The following MKLN1 variants were observed in gnomAD, a reference collection of about 807,000 sequenced individuals.
MKLN1 encodes muskelin 1.
In MKLN1, 18 loss-of-function variants were observed where a neutral mutation model predicts 99.0. The ratio of observed to expected loss-of-function variants is 0.18; its 90% CI spans 0.13 to 0.27. The LOEUF (loss-of-function observed/expected upper bound fraction) is 0.27. Ranked by LOEUF, MKLN1 falls within the 10% of genes least tolerant of loss-of-function variation. MKLN1 has a pLI of 1.00. For synonymous variants in MKLN1, 288 were observed against 293.2 expected (o/e 0.98, Z 0.18); for missense variants, 621 against 875.9 (o/e 0.71, Z 3.67).
chr7:131,152,027 A>G (rs1795895244), intron 2 of MKLN1, among the ~76,000 whole-genome samples: 1 of 152,184 alleles, frequency 6.6e-6, no homozygotes, highest in African/African-American at 2.4e-5. Context: ...TATTTCATCC[A>G]TAAATTTTGA....
At chr7:131,329,082 T>G (rs1267738782) in intron 1 of MKLN1, among the ~76,000 whole-genome samples, 3 of 152,240 alleles carry the variant, frequency 2.0e-5, no homozygotes, top group Non-Finnish European at 2.9e-5. Flanking sequence ...TATATTTTAC[T>G]GAGTATTTTA....
chr7:131,404,925 A>AAAACTAAC (rs112500561), intron 6 of MKLN1, among the ~76,000 whole-genome samples: 6 of 150,898 alleles, frequency 4.0e-5, no homozygotes, highest in Non-Finnish European at 8.9e-5. Context: ...ATACTTGGTT[A>AAAACTAAC]AAACAAACAA....
chr7:131,385,527 G>C (rs1793987420), intron 2 of MKLN1, among the ~76,000 whole-genome samples: 2 of 152,000 alleles, frequency 1.3e-5, no homozygotes, highest in East Asian at 3.9e-4. Context: ...CAACACTTAC[G>C]GTTTTGCATT....
At position 131,327,979 on chromosome 7, in the gene MKLN1, C is replaced by T. The variant is rs753248242; in HGVS notation, c.80C>T (p.Ser27Phe). 1 of 1,613,894 alleles carries T rather than the reference C, an allele frequency of 6.2e-7. No individual in the cohort carries two copies. The highest frequency in any genetic ancestry group is 8.5e-7 in the Non-Finnish European group (1 of 1,179,866). ...GCGCTACACAAGTGGAGCTCCTTTT[C>T]CTCCACCTACCTTCCCGAGTAAGTG... ...PYALHKWSSF[S>F]STYLPENILV... is the part of the protein sequence containing the mutation. Residue 27 changes from serine to phenylalanine, a missense_variant, in exon 1 of 18, where the codon TCC becomes TTC. Around this residue, in one of 8 missense-constraint regions of MKLN1, gnomAD observed 58 missense variants for 40.0 expected, o/e 1.45. Transcript: ENST00000352689.
At chr7:131,192,943 A>G (rs941041273) in intron 2 of MKLN1, among the ~76,000 whole-genome samples, 5 of 152,234 alleles carry the variant, frequency 3.3e-5, no homozygotes, top group African/African-American at 1.2e-4. Flanking sequence ...ACACAGGAGC[A>G]TATGAAGAAA....
At chr7:131,357,079 A>G (rs963323271) in intron 1 of MKLN1, among the ~76,000 whole-genome samples, 2 of 152,238 alleles carry the variant, frequency 1.3e-5, no homozygotes, top group African/African-American at 4.8e-5. Flanking sequence ...TCTGTTTCTT[A>G]GAATTAATGA....
chr7:131,393,313 T>C (rs1794260698), intron 4 of MKLN1, among the ~76,000 whole-genome samples: 2 of 152,224 alleles, frequency 1.3e-5, no homozygotes, highest in African/African-American at 4.8e-5. Context: ...TTTAGATTTC[T>C]TAGTGTTCTA....
At chr7:131,193,447 C>T (rs1563248248) in intron 2 of MKLN1, among the ~76,000 whole-genome samples, 1 of 152,068 alleles carries the variant, frequency 6.6e-6, no homozygotes, top group Admixed American at 6.5e-5. Context: ...CTCACTGCAA[C>T]CTCTGCCTCC....
At chr7:131,275,554 TATATATATA>T (rs1797952330) in intron 3 of MKLN1, among the ~76,000 whole-genome samples, 1 of 24,692 alleles carries the variant, frequency 4.0e-5, no homozygotes, top group African/African-American at 2.2e-4. Flanking sequence ...TATATATATA[TATATATATA>T]TATATTTTTT....
At position 131,207,833 on chromosome 7, in the gene MKLN1, G is replaced by GA. The variant is rs1426866600; in HGVS notation, c.-179+4864dup. Among the ~76,000 whole-genome samples the GA allele has an allele frequency of 2.0e-5, 3 of 152,206 alleles. No homozygotes were observed. The East Asian group carries it at 5.8e-4, about 29-fold the overall frequency. On this transcript the variant is annotated intron_variant, in intron 3 of 7. Coordinates refer to the MKLN1 transcript ENST00000416992. The stretch of plus-strand genomic sequence containing the variant: ...AATTTTACCTGGAGAACAGCCTGAT[G>GA]AAAAATCTAAAATTCTGGTCAAGGG...
intron 12 of MKLN1, among the ~76,000 whole-genome samples, chr7:131,452,558 T>TTC: frequency 7.3e-6 from 1 of 137,384 alleles, no homozygotes; most frequent in South Asian, 2.5e-4. Flanking sequence ...TTTTTTTTTT[T>TTC]TTTTTTTTTT....
chr7:131,184,909 A>G (rs972197321), intron 2 of MKLN1, among the ~76,000 whole-genome samples: 2 of 152,112 alleles, frequency 1.3e-5, no homozygotes, highest in Non-Finnish European at 2.9e-5. Context: ...CCAAAATGCT[A>G]ATTTGCTGAA....
At chr7:131,227,495 C>CTCTTTATTTCTTTCTTTCTT (rs1797171190) in intron 3 of MKLN1, among the ~76,000 whole-genome samples, 2 of 115,710 alleles carry the variant, frequency 1.7e-5, no homozygotes, top group Non-Finnish European at 3.4e-5. Context: ...CTCTTTCTTT[C>CTCTTTATTTCTTTCTTTCTT]TCTTTCTTTC....
chr7:131,480,774 G>C (rs1035577293), intron 17 of MKLN1, among the ~76,000 whole-genome samples: 1 of 152,158 alleles, frequency 6.6e-6, no homozygotes, highest in Non-Finnish European at 1.5e-5. Flanking sequence ...TGAATTGGGG[G>C]TCTGGCATAT....
chr7:131,388,999 A>G (rs1418235174), intron 4 of MKLN1, 27 bp downstream of exon 4: 1 of 1,499,316 alleles, frequency 6.7e-7, no homozygotes, highest in Non-Finnish European at 9.2e-7. Context: ...CTGAAATAGA[A>G]ACAAATTCTT....
chr7:131,300,680 C>A (rs573439977), intron 3 of MKLN1, among the ~76,000 whole-genome samples: 39 of 112,844 alleles, frequency 3.5e-4, no homozygotes, highest in African/African-American at 1.2e-3. Context: ...ACAGTGAGAC[C>A]CTGTCTCAAA....
intron 6 of MKLN1, among the ~76,000 whole-genome samples, chr7:131,402,171 A>G (rs897962493): frequency 8.5e-5 from 13 of 152,210 alleles, no homozygotes; most frequent in Admixed American, 8.5e-4. Context: ...TTTATGTAAT[A>G]TTCTAAATCC....
At chr7:131,350,785 G>A (rs564113136) in intron 1 of MKLN1, among the ~76,000 whole-genome samples, 3 of 152,130 alleles carry the variant, frequency 2.0e-5, no homozygotes, top group African/African-American at 7.2e-5. Flanking sequence ...AAGTCACTAG[G>A]CCAACCTACA....
chr7:131,365,231 T>C (rs1017354258), intron 1 of MKLN1, among the ~76,000 whole-genome samples: 5 of 152,208 alleles, frequency 3.3e-5, no homozygotes, highest in Non-Finnish European at 5.9e-5. Context: ...TTTTCTCATA[T>C]GCTTGTTGGT....
Sources: allele counts gnomAD v4.1 joint callset (sites outside exome capture counted in the v4.1 genomes callset), GRCh38; gene constraint gnomAD v4.1.1; regional missense constraint gnomAD v4.1.1; transcripts MANE v1.5; gene names NCBI Gene and HGNC (gene_info 2026-07-23, HGNC 2026-07-21).